The following TCP11L2 variants were observed in gnomAD, a reference collection of about 807,000 sequenced individuals.
TCP11L2 encodes the protein t-complex 11 like 2, also known as T-complex protein 11-like protein 2.
Under a neutral mutation model 50.7 loss-of-function variants are expected in TCP11L2, and 39 were observed. The observed-to-expected ratio is 0.77, with a 90% CI of 0.60 to 1.01. TCP11L2 has a LOEUF of 1.01. TCP11L2 is among the 50% of genes least tolerant of loss of function. The pLI, the probability that TCP11L2 is intolerant of heterozygous loss-of-function variation, is 0.00. For missense variants in TCP11L2, 612 were observed against 614.7 expected, an observed-to-expected ratio of 1.00 and a Z score of 0.05; for synonymous variants, 192 against 219.3, an observed-to-expected ratio of 0.88 and a Z score of 1.10.
chr12:106,331,838 A>T (rs2035757000), intron 6 of TCP11L2, among the ~76,000 whole-genome samples: 1 of 152,208 alleles, frequency 6.6e-6, no homozygotes, highest in Non-Finnish European at 1.5e-5. Flanking sequence ...GATTGCTTTG[A>T]TATTAGGTTG....
At chr12:106,309,738 G>A (rs1023919548) in intron 1 of TCP11L2, among the ~76,000 whole-genome samples, 2 of 151,322 alleles carry the variant, frequency 1.3e-5, no homozygotes, top group Admixed American at 1.3e-4. Context: ...TAGGTAGCTG[G>A]ACTTGAGAAC....
In TCP11L2 at chr12:106,306,171, A is replaced by C. The variant is rs927166016; in HGVS notation, c.-36+3230A>C. Among the ~76,000 whole-genome samples the C allele has an allele frequency of 1.4e-4, 21 of 152,180 alleles. No homozygotes were observed. In the East Asian group the frequency reaches 4.0e-3, roughly 29 times the overall value. On this transcript the variant is annotated intron_variant, in intron 1 of 9. Transcript: ENST00000299045. ...ACAATCAGAATTTCAAAACTGCAAG[A>C]GGTTGGACTGTTCTGAATTTGAATC...
At chr12:106,310,334 T>C (rs182979664) in intron 1 of TCP11L2, among the ~76,000 whole-genome samples, 2 of 152,314 alleles carry the variant, frequency 1.3e-5, no homozygotes, top group African/African-American at 4.8e-5. Flanking sequence ...TGTCAAATCC[T>C]AACCATATAT....
intron 6 of TCP11L2, chr12:106,325,472 A>G (rs1401170513): frequency 6.6e-6 from 1 of 152,298 alleles, no homozygotes; most frequent in African/African-American, 2.4e-5. Context: ...GAAGGAAGGC[A>G]TGTTTGGATT....
At chr12:106,302,512 T>G (rs2034455097), upstream of TCP11L2, among the ~76,000 whole-genome samples, 1 of 149,954 alleles carries the variant, frequency 6.7e-6, no homozygotes, top group Admixed American at 6.6e-5. Flanking sequence ...TAAACACTTC[T>G]CACCCCGCCC....
chr12:106,320,033 G>T (rs1338220773), intron 4 of TCP11L2, among the ~76,000 whole-genome samples: 1 of 152,148 alleles, frequency 6.6e-6, no homozygotes, highest in Non-Finnish European at 1.5e-5. Flanking sequence ...ACCTGTAGAC[G>T]TTTTGAAATG....
At chr12:106,306,095 C>CT (rs746303028) in intron 1 of TCP11L2, among the ~76,000 whole-genome samples, 35 of 152,230 alleles carry the variant, frequency 2.3e-4, no homozygotes, top group Admixed American at 2.1e-3. Flanking sequence ...GTTTGACTGT[C>CT]TAGAAGAGTT....
rs201090712 is a variant in TCP11L2, at chr12:106,311,139, C to T, written c.64C>T (p.Arg22Trp). 2.0e-5 allele frequency: 32 copies of T among 1,614,170 alleles called. No homozygotes were observed. Among genetic ancestry groups the T allele is most frequent in the African/African-American group, 1.1e-4 (8 of 75,042 alleles). ...EDQPSDSDSSRFSESMASLSD... is the reference protein window; with the variant it reads ...EDQPSDSDSSWFSESMASLSD... The stretch of plus-strand genomic sequence containing the variant: ...CCAGCCAAGCGATTCTGATTCTTCC[C>T]GGTTTTCCGAAAGCATGGCTTCGCT... The change falls in exon 2 of 10, where the codon CGG (arginine) becomes TGG (tryptophan). Residue 22 changes from arginine to tryptophan, a missense_variant. Transcript: ENST00000299045.
intron 4 of TCP11L2, among the ~76,000 whole-genome samples, chr12:106,320,086 T>C (rs995520867): frequency 3.9e-5 from 6 of 152,218 alleles, no homozygotes; most frequent in Non-Finnish European, 8.8e-5. Flanking sequence ...ACACTTTTTC[T>C]TTATAATGTT....
At chr12:106,326,179 A>G (rs1184702557) in intron 6 of TCP11L2, among the ~76,000 whole-genome samples, 1 of 152,192 alleles carries the variant, frequency 6.6e-6, no homozygotes, top group Non-Finnish European at 1.5e-5. Flanking sequence ...GAGATAATCA[A>G]CACAATGGCC....
chr12:106,317,473 G>A (rs370245162), intron 3 of TCP11L2, among the ~76,000 whole-genome samples: 5 of 152,194 alleles, frequency 3.3e-5, no homozygotes, highest in African/African-American at 7.2e-5. Flanking sequence ...CTGAGACTGC[G>A]CCACTGCACT....
chr12:106,299,797 T>G (rs1417420153), upstream of TCP11L2, among the ~76,000 whole-genome samples: 2 of 152,232 alleles, frequency 1.3e-5, no homozygotes, highest in Non-Finnish European at 2.9e-5. Context: ...TTACATTAAA[T>G]CAGTACAATA....
At chr12:106,314,855 T>C (rs1421093648) in intron 3 of TCP11L2, among the ~76,000 whole-genome samples, 2 of 151,170 alleles carry the variant, frequency 1.3e-5, no homozygotes, top group Non-Finnish European at 2.9e-5. Context: ...AAAATAAAAA[T>C]ATTATCCAGC....
In TCP11L2 at chr12:106,336,054, G is replaced by C. The variant is rs1257767813; in HGVS notation, c.983G>C (p.Arg328Pro). The C allele has an allele frequency of 3.1e-6, 5 of 1,612,790 alleles. No homozygotes were observed. Among genetic ancestry groups the C allele is most frequent in the Non-Finnish European group, 4.2e-6 (5 of 1,179,564 alleles). Residue 328 changes from arginine to proline, a missense_variant, in exon 8 of 10, where the codon CGT becomes CCT. Transcript: ENST00000299045. ...LPETLMTDGA[R>P]LQELTEKLNQ... ...TAGACACTTATGACAGATGGAGCACGTCTTCAGGAACTAACAGAAAAGCTG... is the reference window on the plus strand; with the variant it reads ...TAGACACTTATGACAGATGGAGCACCTCTTCAGGAACTAACAGAAAAGCTG...
At chr12:106,329,684 A>G (rs1196225553) in intron 6 of TCP11L2, 6 of 1,148,154 alleles carry the variant, frequency 5.2e-6, no homozygotes, top group East Asian at 4.6e-5. Flanking sequence ...CTTTTGTTCA[A>G]GGTAACTAAA....
At chr12:106,335,498 A>T in intron 6 of TCP11L2, 141 bp from the exon 7 acceptor site, 1 of 748,308 alleles carries the variant, frequency 1.3e-6, no homozygotes, top group Non-Finnish European at 2.1e-6. Flanking sequence ...CTGCCTTTCC[A>T]TCTGGACTGT....
chr12:106,314,203 C>G (rs772111673), intron 2 of TCP11L2, among the ~76,000 whole-genome samples, 155 bp from the exon 3 acceptor site: 7 of 152,142 alleles, frequency 4.6e-5, no homozygotes, highest in Non-Finnish European at 1.0e-4. Context: ...CCTTTATTAA[C>G]TGAGGGAATT....
chr12:106,307,047 A>C (rs746475703), intron 1 of TCP11L2, among the ~76,000 whole-genome samples: 3 of 152,230 alleles, frequency 2.0e-5, no homozygotes, highest in Non-Finnish European at 4.4e-5. Context: ...TCTCCTCTCT[A>C]TCTGTAGTGA....
chr12:106,320,367 C>A (rs192217790), intron 4 of TCP11L2, among the ~76,000 whole-genome samples: 3 of 151,564 alleles, frequency 2.0e-5, no homozygotes, highest in African/African-American at 7.3e-5. Flanking sequence ...CACTGCACTC[C>A]GGCCTGGTGA....
Sources: gnomAD v4.1 joint callset for allele counts (sites outside exome capture counted in the v4.1 genomes callset) on GRCh38, gnomAD v4.1.1 for gene constraint, MANE v1.5 for transcripts, NCBI Gene and HGNC (gene_info 2026-07-23, HGNC 2026-07-21) for gene names.